The following ZMYM2 variants were observed in gnomAD, a reference collection of about 807,000 sequenced individuals.
ZMYM2 encodes zinc finger MYM-type containing 2.
ZMYM2 carries 56 observed loss-of-function variants against 162.8 expected under a neutral mutation model. The ratio of observed to expected loss-of-function variants is 0.34; its 90% CI spans 0.28 to 0.43. The LOEUF is 0.43. Among genes scored for constraint, ZMYM2 ranks in the 20% least tolerant of loss-of-function variants. ZMYM2 has a pLI of 1.00. For synonymous variants in ZMYM2, 510 were observed against 541.6 expected, an observed-to-expected ratio of 0.94 and a Z score of 0.81; for missense variants, 1,275 against 1,621.8, an observed-to-expected ratio of 0.79 and a Z score of 3.67.
intron 5 of ZMYM2, among the ~76,000 whole-genome samples, chr13:20,005,846 A>T (rs1259028922): frequency 6.6e-6 from 1 of 152,138 alleles, no homozygotes; most frequent in Non-Finnish European, 1.5e-5. Context: ...TGATACCTCT[A>T]GAGAAGTTTG....
At chr13:19,933,443 C>T in the ZMYM2 span, among the ~76,000 whole-genome samples, 1 of 152,036 alleles carries the variant, frequency 6.6e-6, no homozygotes, top group Admixed American at 6.6e-5. Context: ...ATATCACATC[C>T]TTACACCTCT....
the ZMYM2 span, among the ~76,000 whole-genome samples, chr13:19,933,589 A>G: frequency 3.3e-5 from 5 of 152,228 alleles, no homozygotes; most frequent in South Asian, 8.3e-4. Flanking sequence ...TATTTTGGGG[A>G]TCAACACCTG....
At chr13:19,969,288 A>G (rs1956088317) in intron 2 of ZMYM2, among the ~76,000 whole-genome samples, 1 of 152,312 alleles carries the variant, frequency 6.6e-6, no homozygotes, top group Middle Eastern at 3.4e-3. Context: ...TGATCAGTTT[A>G]TTAGGCCAGT....
At chr13:19,945,068 T>C in the ZMYM2 span, among the ~76,000 whole-genome samples, 2 of 152,134 alleles carry the variant, frequency 1.3e-5, no homozygotes, top group Admixed American at 1.3e-4. Flanking sequence ...TCTGAGACTA[T>C]TATAAAGAAC....
rs577582405 is a variant in ZMYM2 at position 20,073,113 on chromosome 13, G to A, written c.3453+5723G>A. ...AGTAGAGACAGGACTTCACCACGTT[G>A]GCCAGGCTGGTCTTGAATTCCAGAC... On this transcript the variant is annotated intron_variant, in intron 21 of 24. Transcript: ENST00000610343. Among the ~76,000 whole-genome samples, 155 of 152,166 alleles carry A rather than the reference G, an allele frequency of 1.0e-3. No individual in the cohort carries two copies. In the Middle Eastern group the frequency reaches 0.01, roughly 10 times the overall value.
the ZMYM2 span, among the ~76,000 whole-genome samples, chr13:19,892,692 A>T: frequency 6.6e-6 from 1 of 151,636 alleles, no homozygotes; most frequent in African/African-American, 2.4e-5. Flanking sequence ...ATAGTAAAAT[A>T]TATTTAACAT....
chr13:20,067,122 T>C (rs982095083), intron 20 of ZMYM2, 103 bp downstream of exon 20: 91 of 1,384,794 alleles, frequency 6.6e-5, no homozygotes, highest in Middle Eastern at 2.1e-4. Context: ...TTAAAATACC[T>C]GTAAGAATGC....
At chr13:19,962,753 G>T (rs184539581) in intron 2 of ZMYM2, among the ~76,000 whole-genome samples, 1 of 150,546 alleles carries the variant, frequency 6.6e-6, no homozygotes, top group South Asian at 2.1e-4. Flanking sequence ...CGAACTCCTG[G>T]CCTCAAGTTA....
chr13:19,902,689 T>C, the ZMYM2 span, among the ~76,000 whole-genome samples: 34 of 152,072 alleles, frequency 2.2e-4, no homozygotes, highest in African/African-American at 8.0e-4. Flanking sequence ...GGTTAAAATA[T>C]GAAGTTTTAT....
chr13:20,046,627 ATG>A lies in ZMYM2; in HGVS notation c.2293-4802_2293-4801del, dbSNP rs1341988981. Among the ~76,000 whole-genome samples the A allele has an allele frequency of 8.4e-5, 12 of 143,032 alleles. No individual in the cohort carries two copies. The East Asian group carries it at 2.2e-3, about 26-fold the overall frequency. The allele number at this position is 143,032 out of a possible 152,430, so 93.8% of individuals were successfully genotyped here. A position where few individuals can be genotyped will look rare whatever the true frequency, so the allele number is the denominator to read the frequency against. ...TGTGTGTATATATATGTGTATATAT[ATG>A]TGTATATATATGTGTACATATGTAT... On this transcript the variant is annotated intron_variant, in intron 12 of 24. Transcript: ENST00000610343.
At position 20,026,650 on chromosome 13, in the gene ZMYM2, A is replaced by G. The variant is rs1952607679; in HGVS notation, c.1623A>G (p.Thr541=). ...TGACAACTTGTACTGGTTGCCGAAC[A>G]CAGTGCAGGTTTTTTGATATGACTC... ...GKLTTCTGCR[T]QCRFFDMTQC... Residue 541 remains threonine, a synonymous_variant, in exon 8 of 25, where the codon ACA becomes ACG. Transcript: ENST00000610343. 1 of 1,608,476 alleles carries G rather than the reference A, an allele frequency of 6.2e-7. No individual in the cohort carries two copies. Among genetic ancestry groups the G allele is most frequent in the Non-Finnish European group, 8.5e-7 (1 of 1,178,700 alleles).
At chr13:19,966,340 G>C (rs1256915526) in intron 2 of ZMYM2, among the ~76,000 whole-genome samples, 2 of 150,822 alleles carry the variant, frequency 1.3e-5, no homozygotes, top group African/African-American at 4.9e-5. Flanking sequence ...CTACATGTTG[G>C]TGAGGCTGGT....
chr13:20,021,197 G>A (rs1374690879), intron 7 of ZMYM2, among the ~76,000 whole-genome samples: 1 of 151,794 alleles, frequency 6.6e-6, no homozygotes, highest in African/African-American at 2.4e-5. Context: ...GGATGGTCTC[G>A]ATCTCCTGAC....
chr13:20,086,228 C>CT lies in ZMYM2; in HGVS notation c.*221dup, dbSNP rs1382632067. 1.9e-5 allele frequency: 7 copies of CT among 368,128 alleles called. No individual in the cohort carries two copies. The highest frequency in any genetic ancestry group is 1.7e-4 in the South Asian group (2 of 11,502). The allele number at this position is 368,128 out of a possible 1,614,324, so 22.8% of individuals were successfully genotyped here. Reference sequence around the variant, plus strand: ...GATACTTAACAAATACATTCAAATTCTTTTTTTATTATTATTTATTTGATT... The same window carrying CT: ...GATACTTAACAAATACATTCAAATTCTTTTTTTTATTATTATTTATTTGATT... On this transcript the variant is annotated 3_prime_UTR_variant, in exon 25 of 25. Coordinates refer to ENST00000610343, the MANE Select transcript of ZMYM2 (RefSeq NM_197968.4).
chr13:19,973,286 T>C (rs565295952), intron 2 of ZMYM2, among the ~76,000 whole-genome samples: 3 of 152,176 alleles, frequency 2.0e-5, no homozygotes, highest in African/African-American at 4.8e-5. Flanking sequence ...AATTTTTTCA[T>C]GTAATGGAGA....
At chr13:19,879,867 A>G in the ZMYM2 span, among the ~76,000 whole-genome samples, 17 of 152,310 alleles carry the variant, frequency 1.1e-4, no homozygotes, top group Admixed American at 9.8e-4. Flanking sequence ...TTGAGTCAGG[A>G]GATTGAGTAA....
intron 9 of ZMYM2, among the ~76,000 whole-genome samples, chr13:20,030,739 G>A (rs1314520413): frequency 6.6e-6 from 1 of 151,678 alleles, no homozygotes; most frequent in Non-Finnish European, 1.5e-5. Flanking sequence ...TTGCCATGTT[G>A]ACCAGGCTGG....
At position 19,993,989 on chromosome 13, in the gene ZMYM2, A is replaced by G. The variant is rs1381796412; in HGVS notation, c.847+70A>G. On this transcript the variant is annotated intron_variant, in intron 3 of 24. Transcript: ENST00000610343. ...TTTTGGCTGCTGCTTTTTTCATTGT[A>G]GTAACTGGTATTACCTTGTTTAGTT... 12 of 1,504,960 alleles carry G rather than the reference A, an allele frequency of 8.0e-6. No individual in the cohort carries two copies. The East Asian group carries it at 2.7e-4, about 34-fold the overall frequency. The allele number at this position is 1,504,960 out of a possible 1,614,324, so 93.2% of individuals were successfully genotyped here. A position where few individuals can be genotyped will look rare whatever the true frequency, so the allele number is the denominator to read the frequency against.
intron 6 of ZMYM2, among the ~76,000 whole-genome samples, chr13:20,015,821 G>C (rs1028397302): frequency 4.6e-5 from 7 of 151,788 alleles, no homozygotes; most frequent in African/African-American, 1.7e-4. Context: ...CTGTTTATTT[G>C]TGTGGAGTAT....
Sources: allele counts gnomAD v4.1 joint callset (sites outside exome capture counted in the v4.1 genomes callset), GRCh38; gene constraint gnomAD v4.1.1; transcripts MANE v1.5; gene names NCBI Gene and HGNC (gene_info 2026-07-23, HGNC 2026-07-21).